PAPPA: variants seen among roughly 807,000 people sequenced by gnomAD.
PAPPA encodes pappalysin-1.
A neutral mutation model predicts 164.0 loss-of-function variants in PAPPA; 60 were observed. The observed-to-expected ratio is 0.37, with a 90% CI of 0.30 to 0.45. PAPPA has a LOEUF of 0.45. Ranked by LOEUF, PAPPA falls within the 20% of genes least tolerant of loss-of-function variation. PAPPA has a pLI of 1.00. For missense variants in PAPPA, 1,782 were observed against 2,087.3 expected (o/e 0.85, Z 2.85); for synonymous variants, 875 against 814.1 (o/e 1.07, Z -1.27).
chr9:116,240,142 C>T (rs541468067), intron 7 of PAPPA, among the ~76,000 whole-genome samples: 10 of 152,328 alleles, frequency 6.6e-5, no homozygotes, highest in African/African-American at 2.2e-4. Flanking sequence ...GTAGCTCACT[C>T]TCATCTACTT....
At chr9:116,309,561 C>T (rs896129378) in intron 10 of PAPPA, among the ~76,000 whole-genome samples, 6 of 151,976 alleles carry the variant, frequency 3.9e-5, no homozygotes, top group African/African-American at 1.2e-4. Context: ...CTCAGAGAGG[C>T]GGACTGAGAG....
At chr9:116,390,141 G>A (rs1209657382) in intron 21 of PAPPA, among the ~76,000 whole-genome samples, 1 of 152,166 alleles carries the variant, frequency 6.6e-6, no homozygotes, top group Non-Finnish European at 1.5e-5. Context: ...TCTTATGGAT[G>A]AGTAGCCAGA....
chr9:116,179,840 G>A (rs761949258), intron 1 of PAPPA, among the ~76,000 whole-genome samples: 2 of 152,088 alleles, frequency 1.3e-5, no homozygotes, highest in Non-Finnish European at 2.9e-5. Flanking sequence ...TGATACTAGT[G>A]ATTAAATCAT....
At chr9:116,359,234 A>C (rs1427599850) in intron 17 of PAPPA, among the ~76,000 whole-genome samples, 1 of 151,928 alleles carries the variant, frequency 6.6e-6, no homozygotes, top group African/African-American at 2.4e-5. Flanking sequence ...TATAATTTCT[A>C]CTCTACTGTA....
chr9:116,353,015 T>A, intron 16 of PAPPA, 99 bp downstream of exon 16: 1 of 829,222 alleles, frequency 1.2e-6, no homozygotes, highest in Non-Finnish European at 2.1e-6. Context: ...TCACTGGAGG[T>A]AATGACTGCC....
chr9:116,383,468 TTTA>T (rs1245271480), intron 21 of PAPPA, among the ~76,000 whole-genome samples: 1 of 152,186 alleles, frequency 6.6e-6, no homozygotes, highest in Non-Finnish European at 1.5e-5. Context: ...AACGCTTCAT[TTTA>T]TTAATAGGGG....
intron 21 of PAPPA, among the ~76,000 whole-genome samples, chr9:116,382,947 G>A (rs1027191954): frequency 6.6e-6 from 1 of 152,240 alleles, no homozygotes; most frequent in South Asian, 2.1e-4. Flanking sequence ...TAGGGGGTAG[G>A]GCTGAAGTCT....
rs182914892 is a variant in PAPPA, at chr9:116,189,397, C to T, written c.1478+1181C>T. ...TAACATCATGTCTACCTTAAATATA[C>T]ACAATAAAATTTACCTGAAAAAAGA... is the stretch of plus-strand genomic sequence containing the variant. On this transcript the variant is annotated intron_variant, in intron 2 of 21. Transcript: ENST00000328252. Among the ~76,000 whole-genome samples the T allele has an allele frequency of 1.4e-3, 220 of 152,210 alleles. 1 individual carries two copies. The South Asian group carries it at 0.016, about 11-fold the overall frequency.
At position 116,398,418 on chromosome 9, in the gene PAPPA, C is replaced by T. The variant is rs527812409; in HGVS notation, c.*1802C>T. ...GCATAGGGATAGAAAATACCATGCA[C>T]GTGTGCAGCCCCACCTAATTCCTGC... is the stretch of plus-strand genomic sequence containing the variant. On this transcript the variant is annotated 3_prime_UTR_variant, in exon 22 of 22. Transcript: ENST00000328252. 6 of 383,576 alleles carry T rather than the reference C, an allele frequency of 1.6e-5. No homozygotes were observed. Among genetic ancestry groups the T allele is most frequent in the African/African-American group, 4.3e-5 (2 of 46,818 alleles). The allele number at this position is 383,576 out of a possible 1,614,324, so 23.8% of individuals were successfully genotyped here.
intron 6 of PAPPA, among the ~76,000 whole-genome samples, chr9:116,232,215 G>T (rs1215910912): frequency 6.6e-6 from 1 of 152,092 alleles, no homozygotes; most frequent in Non-Finnish European, 1.5e-5. Flanking sequence ...CTCAGCATTT[G>T]TTGCTCTACA....
chr9:116,350,003 C>T (rs1013068851), intron 15 of PAPPA, among the ~76,000 whole-genome samples: 97 of 152,190 alleles, frequency 6.4e-4, no homozygotes, highest in Non-Finnish European at 1.2e-3. Context: ...AGCTCAGTCC[C>T]TCTGGGAAAC....
At chr9:116,180,614 C>T (rs1843893129) in intron 1 of PAPPA, among the ~76,000 whole-genome samples, 1 of 151,904 alleles carries the variant, frequency 6.6e-6, no homozygotes, top group South Asian at 2.1e-4. Flanking sequence ...ATCTACTCTC[C>T]CAATGAGAGA....
At chr9:116,179,813 G>A (rs1056974490) in intron 1 of PAPPA, among the ~76,000 whole-genome samples, 25 of 152,162 alleles carry the variant, frequency 1.6e-4, no homozygotes, top group African/African-American at 4.6e-4. Context: ...GCTCTCTCAA[G>A]CATTCCTCTG....
intron 15 of PAPPA, among the ~76,000 whole-genome samples, chr9:116,348,063 T>C (rs989902352): frequency 6.6e-6 from 1 of 152,176 alleles, no homozygotes; most frequent in Admixed American, 6.5e-5. Flanking sequence ...CACTGCCAAC[T>C]GTTGTTGGGG....
chr9:116,187,081 A>T lies in PAPPA; in HGVS notation c.416-73A>T. 1 of 1,075,392 alleles carries T rather than the reference A, an allele frequency of 9.3e-7. No homozygotes were observed. Among genetic ancestry groups the T allele is most frequent in the Non-Finnish European group, 1.4e-6 (1 of 724,896 alleles). 66.6% of individuals were successfully genotyped at this position (1,075,392 alleles called of 1,614,324 possible). ...AGGATAACCTGATACAAATTTTATT[A>T]GAGAAAAATAACTTAACCCCCCCTC... is the stretch of plus-strand genomic sequence containing the variant. On this transcript the variant is annotated intron_variant, in intron 1 of 21. Transcript: ENST00000328252. The surrounding 1 kb of genome is among the most constrained non-coding windows in gnomAD (Gnocchi z 4.2).
At chr9:116,171,015 C>T in intron 1 of PAPPA, among the ~76,000 whole-genome samples, 1 of 152,164 alleles carries the variant, frequency 6.6e-6, no homozygotes, top group East Asian at 1.9e-4. Flanking sequence ...TATAAATATT[C>T]CTGGTAGTGC....
chr9:116,276,182 A>G (rs1009817450), intron 9 of PAPPA, among the ~76,000 whole-genome samples: 18 of 152,216 alleles, frequency 1.2e-4, no homozygotes, highest in Non-Finnish European at 7.3e-5. Context: ...TTCTGTCTCT[A>G]AAGCATTGAG....
At position 116,398,292 on chromosome 9, in the gene PAPPA, T is replaced by C. The variant is rs936619213; in HGVS notation, c.*1676T>C. On this transcript the variant is annotated 3_prime_UTR_variant, in exon 22 of 22. Coordinates refer to ENST00000328252, the MANE Select transcript of PAPPA (RefSeq NM_002581.5). ...ACTTTCTGAAACCTGGAGCTGGGAATTGCGGAGAAGGGAAGGTCTAGACTA... is the reference window on the plus strand; with the variant it reads ...ACTTTCTGAAACCTGGAGCTGGGAACTGCGGAGAAGGGAAGGTCTAGACTA... The C allele has an allele frequency of 1.5e-5, 3 of 206,896 alleles. No homozygotes were observed. Among genetic ancestry groups the C allele is most frequent in the Non-Finnish European group, 3.0e-5 (3 of 101,462 alleles). The allele number at this position is 206,896 out of a possible 1,614,324, so 12.8% of individuals were successfully genotyped here.
intron 18 of PAPPA, among the ~76,000 whole-genome samples, chr9:116,363,964 T>G (rs1846464749): frequency 6.6e-6 from 1 of 152,204 alleles, no homozygotes; most frequent in Non-Finnish European, 1.5e-5. Flanking sequence ...AACACATGAT[T>G]GCTCTCGCTG....
Sources: gnomAD v4.1 joint callset for allele counts (sites outside exome capture counted in the v4.1 genomes callset) on GRCh38, gnomAD v4.1.1 for gene constraint, Gnocchi (gnomAD v3.1) non-coding constraint, MANE v1.5 for transcripts, NCBI Gene and HGNC (gene_info 2026-07-23, HGNC 2026-07-21) for gene names.